The following KATNIP variants were observed in gnomAD, a reference collection of about 807,000 sequenced individuals.
KATNIP encodes katanin interacting protein, also known as katanin-interacting protein.
In KATNIP, 126 loss-of-function variants were observed where a neutral mutation model predicts 174.0. That is an observed-to-expected ratio of 0.72 (90% confidence interval 0.63 to 0.84). KATNIP has a LOEUF of 0.84. KATNIP is among the 40% of genes least tolerant of loss of function. The pLI is 0.00. For synonymous variants in KATNIP, 810 were observed against 835.7 expected, an observed-to-expected ratio of 0.97 and a Z score of 0.53; for missense variants, 1,958 against 2,109.7, an observed-to-expected ratio of 0.93 and a Z score of 1.41.
intron 14 of KATNIP, chr16:27,727,155 G>A (rs1237436628): frequency 5.6e-6 from 1 of 177,192 alleles, no homozygotes; most frequent in South Asian, 9.6e-5. Flanking sequence ...AGGCTTGTTA[G>A]CAGGGTGATG....
chr16:27,662,182 C>T (rs762623814), intron 6 of KATNIP, among the ~76,000 whole-genome samples: 7 of 148,670 alleles, frequency 4.7e-5, no homozygotes, highest in Non-Finnish European at 8.9e-5. Context: ...AGTCCGCCTG[C>T]GTAGGCCTCC....
rs769667498 is a variant in KATNIP, at chr16:27,750,027, G to A, written c.3067G>A (p.Ala1023Thr). 1 of 1,614,136 alleles carries A rather than the reference G, an allele frequency of 6.2e-7. No individual in the cohort carries two copies. Among genetic ancestry groups the A allele is most frequent in the Non-Finnish European group, 8.5e-7 (1 of 1,180,020 alleles). Reference sequence around the variant, plus strand: ...CCCTCCCGATATCAATATTTTACCAGCCTATGGGAAAGACCCCCGCGTGGT... The same window carrying A: ...CCCTCCCGATATCAATATTTTACCAACCTATGGGAAAGACCCCCGCGTGGT... ...ADPPDINILP[A>T]YGKDPRVVTN... The change falls in exon 16 of 28, where the codon GCC becomes ACC. Residue 1023 changes from alanine to threonine, a missense_variant. Ala to Thr is a moderately conservative substitution (Grantham distance 58). This residue lies in a region of KATNIP where 1,557 missense variants were observed against 1,617.8 expected (regional missense o/e 0.96). Transcript: ENST00000261588.
chr16:27,580,489 C>T (rs567755392), intron 2 of KATNIP, among the ~76,000 whole-genome samples: 1 of 152,306 alleles, frequency 6.6e-6, no homozygotes, highest in East Asian at 1.9e-4. Flanking sequence ...GAGAGTCTGG[C>T]CTGGCTAATC....
intron 3 of KATNIP, among the ~76,000 whole-genome samples, chr16:27,623,306 A>T (rs1413024591): frequency 1.3e-5 from 2 of 152,180 alleles, no homozygotes; most frequent in African/African-American, 2.4e-5. Flanking sequence ...GGGCAAGTTC[A>T]TTTCTAAAAC....
intron 2 of KATNIP, among the ~76,000 whole-genome samples, chr16:27,601,198 A>G (rs2075512353): frequency 6.6e-6 from 1 of 152,068 alleles, no homozygotes; most frequent in African/African-American, 2.4e-5. Flanking sequence ...AGCTCCTTGT[A>G]CATGCCAGGA....
At chr16:27,593,587 A>C (rs2075249978) in intron 2 of KATNIP, among the ~76,000 whole-genome samples, 1 of 152,028 alleles carries the variant, frequency 6.6e-6, no homozygotes, top group South Asian at 2.1e-4. Flanking sequence ...GCTGGAATGC[A>C]GTGGCATGAT....
intron 6 of KATNIP, among the ~76,000 whole-genome samples, chr16:27,668,842 C>CA (rs968078861): frequency 1.3e-5 from 2 of 152,126 alleles, no homozygotes; most frequent in South Asian, 2.1e-4. Context: ...CTCATCTCTA[C>CA]AAAAAAACTA....
chr16:27,673,317 G>A (rs149227984), intron 6 of KATNIP, among the ~76,000 whole-genome samples: 13 of 152,254 alleles, frequency 8.5e-5, no homozygotes, highest in African/African-American at 2.4e-4. Context: ...TACAGCTGCC[G>A]AAATTGTTGT....
In KATNIP at chr16:27,776,380, C is replaced by T. The variant is rs1168852874; in HGVS notation, c.4450-548C>T. ...GAGGGAGGGCTGTTTGAGGCTGCTCCGTCCCACTTTTCCCACTGGATTCTG... is the reference window on the plus strand; with the variant it reads ...GAGGGAGGGCTGTTTGAGGCTGCTCTGTCCCACTTTTCCCACTGGATTCTG... On this transcript the variant is annotated intron_variant, in intron 24 of 27. Transcript: ENST00000261588. This position sits in a 1 kb window ranked among gnomAD's most constrained non-coding sequence, Gnocchi z 4.7. Among the ~76,000 whole-genome samples, 2 of 152,106 alleles carry T rather than the reference C, an allele frequency of 1.3e-5. No individual in the cohort carries two copies. Among genetic ancestry groups the T allele is most frequent in the African/African-American group, 4.8e-5 (2 of 41,426 alleles).
At chr16:27,707,600 CA>C (rs2079372592) in intron 12 of KATNIP, among the ~76,000 whole-genome samples, 1 of 152,254 alleles carries the variant, frequency 6.6e-6, no homozygotes, top group Non-Finnish European at 1.5e-5. Context: ...TGTCCAAGGC[CA>C]GGGGGCCATG....
intron 3 of KATNIP, among the ~76,000 whole-genome samples, chr16:27,624,899 C>A (rs949643938): frequency 2.6e-5 from 4 of 152,164 alleles, no homozygotes; most frequent in Non-Finnish European, 4.4e-5. Flanking sequence ...GGCTCAGAGT[C>A]CAGTGCGGGG....
chr16:27,705,524 C>A (rs62029142), intron 12 of KATNIP, among the ~76,000 whole-genome samples: 4 of 152,134 alleles, frequency 2.6e-5, no homozygotes, highest in Admixed American at 1.3e-4. Flanking sequence ...CCATGCCCCA[C>A]AGGCCACTGT....
chr16:27,693,761 C>G (rs548920318), intron 8 of KATNIP, among the ~76,000 whole-genome samples: 1 of 152,246 alleles, frequency 6.6e-6, no homozygotes, highest in Non-Finnish European at 1.5e-5. Flanking sequence ...CTTGACCCTT[C>G]TCAGGGAGCA....
intron 6 of KATNIP, among the ~76,000 whole-genome samples, chr16:27,663,379 A>T (rs1319136933): frequency 6.6e-6 from 1 of 151,064 alleles, no homozygotes; most frequent in African/African-American, 2.4e-5. Context: ...TACTCTGCAA[A>T]TTTTACCATA....
intron 2 of KATNIP, among the ~76,000 whole-genome samples, chr16:27,578,511 G>A (rs182083158): frequency 2.0e-5 from 3 of 152,248 alleles, no homozygotes; most frequent in Admixed American, 1.3e-4. Context: ...TAAAGCTCCA[G>A]GGAGTGCCAG....
At chr16:27,761,730 G>GGGAAACCGAGGCTCA (rs2081962548) in intron 19 of KATNIP, 140 bp downstream of exon 19, 2 of 750,396 alleles carry the variant, frequency 2.7e-6, no homozygotes, top group East Asian at 2.7e-5. Context: ...ATGTGGTCAA[G>GGGAAACCGAGGCTCA]GGAAACCGAG....
At position 27,765,484 on chromosome 16, in the gene KATNIP, C is replaced by T. The variant is rs116157559; in HGVS notation, c.3810-825C>T. 7.8e-3 allele frequency among the ~76,000 whole-genome samples: 1,187 copies of T among 152,290 alleles called. 14 individuals carry two copies. The highest frequency in any genetic ancestry group is 0.027 in the African/African-American group (1,114 of 41,552). On this transcript the variant is annotated intron_variant, in intron 19 of 27. Coordinates refer to ENST00000261588, the MANE Select transcript of KATNIP (RefSeq NM_015202.5). The stretch of plus-strand genomic sequence containing the variant: ...GCTTCCCTGGGATATCCAGGCCATG[C>T]GGTCACAGAGCATGGTCCAGCCAGA...
At chr16:27,627,951 G>A (rs1464994081) in intron 3 of KATNIP, among the ~76,000 whole-genome samples, 1 of 152,214 alleles carries the variant, frequency 6.6e-6, no homozygotes, top group Non-Finnish European at 1.5e-5. Context: ...CAGGCCCAAG[G>A]TGTAAGGATG....
At chr16:27,558,060 G>A (rs1208594283) in intron 1 of KATNIP, among the ~76,000 whole-genome samples, 1 of 152,180 alleles carries the variant, frequency 6.6e-6, no homozygotes, top group Non-Finnish European at 1.5e-5. Flanking sequence ...TTTGTACTTA[G>A]AATTCTACTT....
Sources: gnomAD v4.1 joint callset for allele counts (sites outside exome capture counted in the v4.1 genomes callset) on GRCh38, gnomAD v4.1.1 for gene constraint, gnomAD v4.1.1 regional missense constraint, Gnocchi (gnomAD v3.1) non-coding constraint, MANE v1.5 for transcripts, NCBI Gene and HGNC (gene_info 2026-07-23, HGNC 2026-07-21) for gene names.